Variants in UMPS observed in about 807,000 individuals in gnomAD.
UMPS encodes the protein uridine monophosphate synthetase.
UMPS carries 21 observed loss-of-function variants against 38.9 expected under a neutral mutation model. The observed-to-expected ratio is 0.54, with a 90% confidence interval of 0.38 to 0.78. UMPS has a LOEUF of 0.78. UMPS is among the 30% of genes least tolerant of loss of function. The pLI is 0.00. For synonymous variants in UMPS, 208 were observed against 219.3 expected, an observed-to-expected ratio of 0.95 and a Z score of 0.45; for missense variants, 533 against 591.6, an observed-to-expected ratio of 0.90 and a Z score of 1.03.
chr3:124,730,741 G>C, intron 1 of UMPS, 114 bp downstream of exon 1: 1 of 1,259,166 alleles, frequency 7.9e-7, no homozygotes, highest in South Asian at 1.5e-5. Flanking sequence ...CAAGCAGGCA[G>C]ACCGACCCTA....
intron 2 of UMPS, among the ~76,000 whole-genome samples, chr3:124,735,775 A>C (rs141328706): frequency 2.2e-4 from 33 of 151,716 alleles, no homozygotes; most frequent in Admixed American, 1.8e-3. Flanking sequence ...TCAGGAGTTC[A>C]AGACCAGCCT....
chr3:124,745,256 C>T lies in UMPS; in HGVS notation c.*1172C>T, dbSNP rs1434754443. 2.2e-6 allele frequency: 1 copy of T among 454,136 alleles called. No individual in the cohort carries two copies. The highest frequency in any genetic ancestry group is 2.0e-5 in the African/African-American group (1 of 50,128). 28.1% of individuals were successfully genotyped at this position (454,136 alleles called of 1,614,324 possible). On this transcript the variant is annotated 3_prime_UTR_variant, in exon 6 of 6. Coordinates refer to ENST00000232607, the MANE Select transcript of UMPS (RefSeq NM_000373.4). ...GGTGCTCATTGCACCAGCACACTCA[C>T]ATTCCTTCTCATTTGGGGCCCACCT... is the stretch of plus-strand genomic sequence containing the variant.
Position 124,746,956 on chromosome 3 carries a change from T to C in UMPS, c.*2872T>C, listed in dbSNP as rs1232987312. 1.1e-5 allele frequency: 5 copies of C among 454,012 alleles called. No individual in the cohort carries two copies. Among genetic ancestry groups the C allele is most frequent in the Admixed American group, 2.3e-5 (1 of 42,564 alleles). 28.1% of individuals were successfully genotyped at this position (454,012 alleles called of 1,614,324 possible). On this transcript the variant is annotated 3_prime_UTR_variant, in exon 6 of 6. Coordinates refer to ENST00000232607, the MANE Select transcript of UMPS (RefSeq NM_000373.4). ...GTCCCAACACTCACCCTTGTGCTAC[T>C]GAGTCAGCTCTAAGAAAATCTGCCA...
In UMPS at chr3:124,745,776, C is replaced by T. The variant is rs1000600087; in HGVS notation, c.*1692C>T. 6.6e-6 allele frequency: 3 copies of T among 454,070 alleles called. No individual in the cohort carries two copies. The highest frequency in any genetic ancestry group is 4.0e-5 in the African/African-American group (2 of 50,108). The allele number at this position is 454,070 out of a possible 1,614,324, so 28.1% of individuals were successfully genotyped here. On this transcript the variant is annotated 3_prime_UTR_variant, in exon 6 of 6. Transcript: ENST00000232607. Reference sequence around the variant, plus strand: ...AAACTTGCAGGAATCTCTTAGGTGTCTTCAGTGTTGGAGTGATATGTTGAG... The same window carrying T: ...AAACTTGCAGGAATCTCTTAGGTGTTTTCAGTGTTGGAGTGATATGTTGAG...
At chr3:124,735,055 T>G in intron 1 of UMPS, 38 bp from the exon 2 acceptor site, 1 of 1,557,292 alleles carries the variant, frequency 6.4e-7, no homozygotes, top group Non-Finnish European at 8.7e-7. Context: ...ATAAAATAGT[T>G]ACAATAAAAC....
intron 4 of UMPS, among the ~76,000 whole-genome samples, 157 bp downstream of exon 4, chr3:124,740,356 C>G (rs1291883123): frequency 6.6e-6 from 1 of 152,110 alleles, no homozygotes; most frequent in Non-Finnish European, 1.5e-5. Flanking sequence ...GGATAGAATT[C>G]CTTGATAGTT....
chr3:124,739,787 C>A (rs1010755215), intron 3 of UMPS, among the ~76,000 whole-genome samples: 1 of 152,188 alleles, frequency 6.6e-6, no homozygotes, highest in Non-Finnish European at 1.5e-5. Flanking sequence ...CAAGTGCAGA[C>A]CTTGAAAGTT....
chr3:124,730,829 C>T (rs548740798), intron 1 of UMPS, among the ~76,000 whole-genome samples: 2 of 152,288 alleles, frequency 1.3e-5, no homozygotes, highest in East Asian at 1.9e-4. Flanking sequence ...TTCTTTCACC[C>T]ACACGCTTAG....
At chr3:124,741,654 A>G (rs1329362088) in intron 4 of UMPS, among the ~76,000 whole-genome samples, 1 of 152,170 alleles carries the variant, frequency 6.6e-6, no homozygotes, top group East Asian at 1.9e-4. Flanking sequence ...TACTCGCCTC[A>G]AATCCTTTTT....
intron 4 of UMPS, among the ~76,000 whole-genome samples, chr3:124,741,022 T>C (rs995926266): frequency 6.6e-6 from 1 of 152,130 alleles, no homozygotes; most frequent in Non-Finnish European, 1.5e-5. Flanking sequence ...ACAATCCCCA[T>C]GTGAAGATTC....
At chr3:124,740,341 T>A in intron 4 of UMPS, 142 bp downstream of exon 4, 2 of 763,488 alleles carry the variant, frequency 2.6e-6, no homozygotes, top group East Asian at 2.6e-5. Context: ...ATATTAATAC[T>A]AGTTGGATAG....
rs775368706 is a variant in UMPS at position 124,737,790 on chromosome 3, A to C, written c.533A>C (p.Lys178Thr). 1.2e-6 allele frequency: 2 copies of C among 1,614,234 alleles called. No homozygotes were observed. The highest frequency in any genetic ancestry group is 2.2e-5 in the South Asian group (2 of 91,078). Residue 178 changes from lysine to threonine, a missense_variant, in exon 3 of 6, where the codon AAA becomes ACA. Transcript: ENST00000232607. ...IRLHSVCTLS[K>T]MLEILEQQKK... ...CTCCACTCAGTGTGTACATTGTCCA[A>C]AATGCTGGAGATTCTCGAGCAGCAG... is the stretch of plus-strand genomic sequence containing the variant.
chr3:124,741,490 C>T (rs959033929), intron 4 of UMPS, among the ~76,000 whole-genome samples: 27 of 152,098 alleles, frequency 1.8e-4, no homozygotes, highest in African/African-American at 6.0e-4. Context: ...GTTGATGTTA[C>T]AGAAGAGGGA....
rs1166987914 is a variant in UMPS at position 124,747,263 on chromosome 3, C to G, written c.*3179C>G. ...CTCAGTGTGTGCCCGACAGCAGAGC[C>G]CACACCACTCCAGTTGCAGTGGTTG... On this transcript the variant is annotated 3_prime_UTR_variant, in exon 6 of 6. Transcript: ENST00000232607. 6.7e-6 allele frequency: 3 copies of G among 447,914 alleles called. No homozygotes were observed. Among genetic ancestry groups the G allele is most frequent in the Non-Finnish European group, 1.3e-5 (3 of 223,748 alleles). 27.7% of individuals were successfully genotyped at this position (447,914 alleles called of 1,614,324 possible).
Sources: gnomAD v4.1 joint callset for allele counts (sites outside exome capture counted in the v4.1 genomes callset) on GRCh38, gnomAD v4.1.1 for gene constraint, MANE v1.5 for transcripts, NCBI Gene and HGNC (gene_info 2026-07-23, HGNC 2026-07-21) for gene names.